Variants in GPR173 observed in about 807,000 individuals in gnomAD.
GPR173 encodes the protein G protein-coupled receptor 173.
In GPR173, 2 loss-of-function variants were observed where a neutral mutation model predicts 13.9. The observed-to-expected ratio is 0.14, with a 90% confidence interval of 0.06 to 0.45. The LOEUF (loss-of-function observed/expected upper bound fraction) is 0.45, where lower values mean the gene tolerates loss of function less well. GPR173 is among the 20% of genes least tolerant of loss of function. GPR173 has a pLI of 0.98. For synonymous variants in GPR173, 131 were observed against 141.0 expected (o/e 0.93, Z 0.50); for missense variants, 202 against 340.5 (o/e 0.59, Z 3.20).
At position 53,077,920 on chromosome X, in the gene GPR173, G is replaced by T. The variant is rs1932464965; in HGVS notation, c.*177G>T. Reference sequence around the variant, plus strand: ...ACACCTCCCAAGGATGGAGGACTGGGCGAGGGACTGGGAAAGAGGCATATT... The same window carrying T: ...ACACCTCCCAAGGATGGAGGACTGGTCGAGGGACTGGGAAAGAGGCATATT... On this transcript the variant is annotated 3_prime_UTR_variant, in exon 2 of 2. Coordinates refer to ENST00000332582, the MANE Select transcript of GPR173 (RefSeq NM_018969.6). 1 of 442,651 alleles carries T rather than the reference G, an allele frequency of 2.3e-6. No individual in the cohort carries two copies. Among genetic ancestry groups the T allele is most frequent in the African/African-American group, 2.5e-5 (1 of 40,212 alleles). 36.5% of individuals were successfully genotyped at this position (442,651 alleles called of 1,213,427 possible).
At chrX:53,074,821 T>G (rs1257525482) in intron 1 of GPR173, among the ~76,000 whole-genome samples, 1 of 99,656 alleles carries the variant, frequency 1.0e-5, no homozygotes, top group Non-Finnish European at 2.0e-5. Context: ...ATATAGTGTG[T>G]TAGAAGAGAG....
chrX:53,059,975 G>A (rs1177972819), intron 1 of GPR173, among the ~76,000 whole-genome samples: 6 of 104,485 alleles, frequency 5.7e-5, no homozygotes, highest in Admixed American at 1.1e-4. Context: ...GCGACAGAGC[G>A]AGACCCTGTC....
At chrX:53,052,693 G>A (rs1931978485) in intron 1 of GPR173, among the ~76,000 whole-genome samples, 1 of 110,490 alleles carries the variant, frequency 9.1e-6, no homozygotes, top group Admixed American at 9.6e-5. Flanking sequence ...ATATTCATAT[G>A]TGTGAATGTG....
At chrX:53,049,935 G>T (rs1480580530) in intron 1 of GPR173, among the ~76,000 whole-genome samples, 4 of 93,011 alleles carry the variant, frequency 4.3e-5, no homozygotes, top group African/African-American at 1.3e-4. Context: ...CTGCTGGCCG[G>T]GTGTGTGTGT....
rs1932515424 is a variant in GPR173, at chrX:53,080,244, G to A, written c.*2501G>A. ...AGCTTTGACCAAATTTAGAGGGAGG[G>A]ATGTCATGGGGAAAAAAAACCCAAG... is the stretch of plus-strand genomic sequence containing the variant. On this transcript the variant is annotated 3_prime_UTR_variant, in exon 2 of 2. Transcript: ENST00000332582. 8.2e-6 allele frequency: 1 copy of A among 121,393 alleles called. No individual in the cohort carries two copies. Among genetic ancestry groups the A allele is most frequent in the African/African-American group, 3.3e-5 (1 of 30,155 alleles). The allele number at this position is 121,393 out of a possible 1,213,427, so 10.0% of individuals were successfully genotyped here. A position where few individuals can be genotyped will look rare whatever the true frequency, so the allele number is the denominator to read the frequency against.
chrX:53,072,244 CCTCT>C (rs1239391826), intron 1 of GPR173, among the ~76,000 whole-genome samples: 3 of 109,550 alleles, frequency 2.7e-5, no homozygotes, highest in African/African-American at 1.0e-4. Context: ...TCCGTGTCTC[CCTCT>C]CTATCTCCAT....
chrX:53,060,027 T>TACACACACAC (rs200378942), intron 1 of GPR173, among the ~76,000 whole-genome samples: 74 of 101,435 alleles, frequency 7.3e-4, no homozygotes, highest in African/African-American at 2.5e-3. Context: ...TATATATATA[T>TACACACACAC]ATATACACAC....
chrX:53,073,999 ATATATAT>A (rs1270213850), intron 1 of GPR173, among the ~76,000 whole-genome samples: 1 of 26,697 alleles, frequency 3.7e-5, no homozygotes, highest in African/African-American at 3.5e-4. Context: ...ATATACATAA[ATATATAT>A]TATACATAAA....
Position 53,076,591 on chromosome X carries a change from C to T in GPR173, c.-31C>T. Reference sequence around the variant, plus strand: ...ATCGAGTACCGGACTGGCTGACCCCCTAGGGTTGGCAGTAGCCCCTGACCC... The same window carrying T: ...ATCGAGTACCGGACTGGCTGACCCCTTAGGGTTGGCAGTAGCCCCTGACCC... On this transcript the variant is annotated 5_prime_UTR_variant, in exon 2 of 2. Coordinates refer to ENST00000332582, the MANE Select transcript of GPR173 (RefSeq NM_018969.6). 1 of 1,154,401 alleles carries T rather than the reference C, an allele frequency of 8.7e-7. No homozygotes were observed. The highest frequency in any genetic ancestry group is 1.2e-6 in the Non-Finnish European group (1 of 861,415).
chrX:53,052,163 G>A (rs782183535), intron 1 of GPR173, among the ~76,000 whole-genome samples: 2 of 111,652 alleles, frequency 1.8e-5, no homozygotes, highest in Non-Finnish European at 3.8e-5. Context: ...GGGTAGGGGA[G>A]AGTGTGTGAA....
rs782703364 is a variant in GPR173, at chrX:53,076,625, G to A, written c.4G>A (p.Ala2Thr). 28 of 1,181,991 alleles carry A rather than the reference G, an allele frequency of 2.4e-5. No individual in the cohort carries two copies. Among genetic ancestry groups the A allele is most frequent in the Non-Finnish European group, 3.2e-5 (28 of 877,836 alleles). ...GCAGTAGCCCCTGACCCTCAGTATG[G>A]CCAACACTACCGGAGAGCCTGAGGA... MANTTGEPEEVS... is the reference protein window; with the variant it reads MTNTTGEPEEVS... The change falls in exon 2 of 2, where the codon GCC (alanine) becomes ACC (threonine). Residue 2 changes from alanine to threonine, a missense_variant. By Grantham distance (58) the Ala-to-Thr change is moderately conservative (BLOSUM62 0). Coordinates refer to ENST00000332582, the MANE Select transcript of GPR173 (RefSeq NM_018969.6).
At chrX:53,068,872 G>A (rs1475074059) in intron 1 of GPR173, among the ~76,000 whole-genome samples, 2 of 107,944 alleles carry the variant, frequency 1.9e-5, no homozygotes, top group Non-Finnish European at 3.8e-5. Context: ...AGGATTGTTC[G>A]AGCTCAGGAG....
intron 1 of GPR173, among the ~76,000 whole-genome samples, chrX:53,072,882 G>A (rs1427498403): frequency 1.8e-5 from 2 of 111,378 alleles, no homozygotes; most frequent in African/African-American, 3.3e-5. Context: ...CACTTTCTAA[G>A]TACTAGTTTG....
intron 1 of GPR173, among the ~76,000 whole-genome samples, chrX:53,071,546 C>T (rs1932257420): frequency 8.9e-6 from 1 of 111,971 alleles, no homozygotes; most frequent in Non-Finnish European, 1.9e-5. Context: ...CTTAAAAGTC[C>T]AAAGTCCTAG....
rs1314437222 is a variant in GPR173, at chrX:53,078,366, G to GCCAA, written c.*626_*629dup. The GCCAA allele has an allele frequency of 3.3e-5, 4 of 122,367 alleles. No homozygotes were observed. Among genetic ancestry groups the GCCAA allele is most frequent in the African/African-American group, 1.3e-4 (4 of 30,445 alleles). 10.1% of individuals were successfully genotyped at this position (122,367 alleles called of 1,213,427 possible). On this transcript the variant is annotated 3_prime_UTR_variant, in exon 2 of 2. Coordinates refer to ENST00000332582, the MANE Select transcript of GPR173 (RefSeq NM_018969.6). ...TATGTCATGTGCAATGTTGTTTTAGGCCAACCCTTGCCCCAAGCCCAGTCT... is the reference window on the plus strand; with the variant it reads ...TATGTCATGTGCAATGTTGTTTTAGGCCAACCAACCCTTGCCCCAAGCCCAGTCT...
chrX:53,058,733 G>C (rs1337264357), intron 1 of GPR173, among the ~76,000 whole-genome samples: 1 of 111,237 alleles, frequency 9.0e-6, no homozygotes, highest in Admixed American at 9.6e-5. Flanking sequence ...TGGGGCACGG[G>C]AGGGCCTGGA....
chrX:53,051,773 G>T (rs1429897717), intron 1 of GPR173, among the ~76,000 whole-genome samples: 1 of 111,416 alleles, frequency 9.0e-6, no homozygotes, highest in Non-Finnish European at 1.9e-5. Context: ...GTGGGTTTCA[G>T]AATGCCTGGG....
chrX:53,069,892 C>A (rs1932235314), intron 1 of GPR173, among the ~76,000 whole-genome samples: 1 of 110,548 alleles, frequency 9.0e-6, no homozygotes, highest in African/African-American at 3.3e-5. Context: ...GAATCTGTCT[C>A]TTTGTGTTAG....
At chrX:53,061,728 T>C (rs1384252730) in intron 1 of GPR173, among the ~76,000 whole-genome samples, 1 of 111,850 alleles carries the variant, frequency 8.9e-6, no homozygotes, top group Non-Finnish European at 1.9e-5. Context: ...TTTTCAGTTT[T>C]TTATGACACA....
Sources: gnomAD v4.1 joint callset for allele counts (sites outside exome capture counted in the v4.1 genomes callset) on GRCh38, gnomAD v4.1.1 for gene constraint, MANE v1.5 for transcripts, NCBI Gene and HGNC (gene_info 2026-07-23, HGNC 2026-07-21) for gene names.